LSAMP: variants seen among roughly 807,000 people sequenced by gnomAD.
The protein encoded by LSAMP is limbic system associated membrane protein.
In LSAMP, 7 loss-of-function variants were observed where a neutral mutation model predicts 38.6. The observed-to-expected ratio is 0.18, with a 90% confidence interval of 0.10 to 0.34. The LOEUF (loss-of-function observed/expected upper bound fraction) is 0.34, where lower values mean the gene tolerates loss of function less well. Ranked by LOEUF, LSAMP falls within the 10% of genes least tolerant of loss-of-function variation. The pLI, the probability that LSAMP is intolerant of heterozygous loss-of-function variation, is 1.00. For synonymous variants in LSAMP, 154 were observed against 166.8 expected, an observed-to-expected ratio of 0.92 and a Z score of 0.59; for missense variants, 313 against 420.0, an observed-to-expected ratio of 0.75 and a Z score of 2.23.
chr3:116,300,691 A>T (rs1016734901), intron 1 of LSAMP, among the ~76,000 whole-genome samples: 2 of 152,136 alleles, frequency 1.3e-5, no homozygotes, highest in Admixed American at 1.3e-4. Flanking sequence ...ATACTTGATG[A>T]TCTGAAGTTT....
At chr3:115,878,068 A>G (rs1054075783) in intron 3 of LSAMP, among the ~76,000 whole-genome samples, 5 of 152,270 alleles carry the variant, frequency 3.3e-5, no homozygotes, top group Non-Finnish European at 5.9e-5. Context: ...ATTGTTCTGC[A>G]GTATATGTGA....
In LSAMP at chr3:115,841,838, T is replaced by A. The variant is rs1426860326; in HGVS notation, c.919+7A>T. On this transcript the variant is annotated splice_region_variant and intron_variant, in intron 6 of 6. Transcript: ENST00000490035. ...CATCAAGTTGGGCCCTGCTTTGGCA[T>A]ACTTACTGAAAAGGACTAGGCTGGC... 6.3e-7 allele frequency: 1 copy of A among 1,596,990 alleles called. No individual in the cohort carries two copies. Among genetic ancestry groups the A allele is most frequent in the Non-Finnish European group, 8.5e-7 (1 of 1,173,058 alleles).
chr3:116,261,136 C>A (rs1405077355), intron 1 of LSAMP, among the ~76,000 whole-genome samples: 1 of 152,186 alleles, frequency 6.6e-6, no homozygotes, highest in Non-Finnish European at 1.5e-5. Context: ...TGATATAGCA[C>A]TCGTAGATAG....
chr3:116,212,557 CAA>C (rs11287021), intron 1 of LSAMP, among the ~76,000 whole-genome samples: 9 of 148,154 alleles, frequency 6.1e-5, no homozygotes, highest in East Asian at 2.0e-4. Context: ...AATAAAACTT[CAA>C]AAAAAAAAAC....
At chr3:116,426,728 T>C (rs1201967193) in intron 1 of LSAMP, among the ~76,000 whole-genome samples, 1 of 152,194 alleles carries the variant, frequency 6.6e-6, no homozygotes, top group Non-Finnish European at 1.5e-5. Flanking sequence ...ATCTTCTCTC[T>C]TTGTCCTGAA....
At chr3:116,264,878 GAA>G (rs74579840) in intron 1 of LSAMP, among the ~76,000 whole-genome samples, 1 of 148,436 alleles carries the variant, frequency 6.7e-6, no homozygotes, top group African/African-American at 2.5e-5. Flanking sequence ...AGTGCTGGGG[GAA>G]AAAAAAAAGA....
intron 1 of LSAMP, among the ~76,000 whole-genome samples, chr3:116,216,631 T>C (rs1397731434): frequency 4.6e-5 from 7 of 151,904 alleles, no homozygotes; most frequent in Non-Finnish European, 1.5e-5. Context: ...AAAAAAACTG[T>C]TTAGGAAAAA....
intron 3 of LSAMP, among the ~76,000 whole-genome samples, chr3:115,956,287 C>T (rs1938452195): frequency 6.6e-6 from 1 of 150,398 alleles, no homozygotes; most frequent in Admixed American, 6.7e-5. Flanking sequence ...CAGATCTGAT[C>T]TCGTAGGCCT....
At chr3:116,210,948 T>G (rs1202241245) in intron 1 of LSAMP, among the ~76,000 whole-genome samples, 1 of 151,378 alleles carries the variant, frequency 6.6e-6, no homozygotes, top group African/African-American at 2.4e-5. Flanking sequence ...TATCAACAGA[T>G]GAATGGATAA....
chr3:116,407,112 A>C (rs961087073), intron 1 of LSAMP, among the ~76,000 whole-genome samples: 4 of 152,072 alleles, frequency 2.6e-5, no homozygotes, highest in African/African-American at 9.7e-5. Context: ...AAAATAGCCA[A>C]GCATATCTGT....
intron 3 of LSAMP, among the ~76,000 whole-genome samples, chr3:115,937,453 C>A (rs2107551411): frequency 6.6e-6 from 1 of 151,854 alleles, no homozygotes; most frequent in East Asian, 1.9e-4. Context: ...CCAGCCTGGG[C>A]AACAAAGTGA....
chr3:116,008,539 C>A (rs1249690527), intron 3 of LSAMP, among the ~76,000 whole-genome samples: 1 of 152,212 alleles, frequency 6.6e-6, no homozygotes, highest in Non-Finnish European at 1.5e-5. Context: ...GTCATTCAGA[C>A]TGCATCTCTT....
intron 3 of LSAMP, among the ~76,000 whole-genome samples, chr3:115,919,669 T>A (rs1937337402): frequency 6.6e-6 from 1 of 152,204 alleles, no homozygotes; most frequent in African/African-American, 2.4e-5. Context: ...TGGAGTGCAG[T>A]GGCGCGATCT....
intron 3 of LSAMP, among the ~76,000 whole-genome samples, chr3:115,977,096 A>G (rs745815866): frequency 1.3e-5 from 2 of 152,200 alleles, no homozygotes; most frequent in Non-Finnish European, 2.9e-5. Flanking sequence ...TATTGAATAA[A>G]GGAATACTAT....
chr3:116,304,517 G>A (rs2047456256), intron 1 of LSAMP, among the ~76,000 whole-genome samples: 1 of 152,140 alleles, frequency 6.6e-6, no homozygotes, highest in African/African-American at 2.4e-5. Context: ...GTGAGGATAA[G>A]GGTGCAGAGA....
At chr3:116,123,723 C>G (rs973837418) in intron 1 of LSAMP, among the ~76,000 whole-genome samples, 2 of 152,156 alleles carry the variant, frequency 1.3e-5, no homozygotes, top group Non-Finnish European at 2.9e-5. Context: ...TGCTTTAAGA[C>G]TTTATTAACA....
At chr3:116,346,501 G>A (rs1428694897) in intron 1 of LSAMP, among the ~76,000 whole-genome samples, 2 of 151,858 alleles carry the variant, frequency 1.3e-5, no homozygotes, top group African/African-American at 4.8e-5. Context: ...GCTAATTTTT[G>A]TATTTTTGGT....
chr3:116,229,837 G>A (rs558595922), intron 1 of LSAMP, among the ~76,000 whole-genome samples: 102 of 152,150 alleles, frequency 6.7e-4, no homozygotes, highest in African/African-American at 2.4e-3. Context: ...ATTGTACAGG[G>A]GGCACAGTTA....
At chr3:116,256,343 A>G (rs1461371561) in intron 1 of LSAMP, among the ~76,000 whole-genome samples, 3 of 152,192 alleles carry the variant, frequency 2.0e-5, no homozygotes. Flanking sequence ...TAGTGCACAC[A>G]AGCGTGGAAA....
Sources: allele counts gnomAD v4.1 joint callset (sites outside exome capture counted in the v4.1 genomes callset), GRCh38; gene constraint gnomAD v4.1.1; transcripts MANE v1.5; gene names NCBI Gene and HGNC (gene_info 2026-07-23, HGNC 2026-07-21).